The following TPD52L1 variants were observed in gnomAD, a reference collection of about 807,000 sequenced individuals.
TPD52L1 encodes the protein tumor protein D53.
Under a neutral mutation model 28.7 loss-of-function variants are expected in TPD52L1, and 18 were observed. That is an observed-to-expected ratio of 0.63 (90% CI 0.43 to 0.93). The LOEUF (loss-of-function observed/expected upper bound fraction) is 0.93, where lower values mean the gene tolerates loss of function less well. Ranked by LOEUF, TPD52L1 falls within the 40% of genes least tolerant of loss-of-function variation. The probability of loss-of-function intolerance (pLI) is 0.00; values close to 1 mark genes in which losing one functional copy is unlikely to be tolerated. For missense variants in TPD52L1, 203 were observed against 254.8 expected (o/e 0.80, Z 1.39); for synonymous variants, 75 against 88.8 (o/e 0.84, Z 0.88).
At chr6:125,195,252 G>A (rs1793350144) in intron 1 of TPD52L1, among the ~76,000 whole-genome samples, 1 of 152,182 alleles carries the variant, frequency 6.6e-6, no homozygotes, top group African/African-American at 2.4e-5. Context: ...GTTGTTGTTT[G>A]AGTCTCTCTA....
intron 1 of TPD52L1, among the ~76,000 whole-genome samples, chr6:125,187,137 A>G (rs1183598459): frequency 6.6e-6 from 1 of 152,224 alleles, no homozygotes; most frequent in Non-Finnish European, 1.5e-5. Context: ...AAATAGGCAG[A>G]TAATTTGAAT....
intron 6 of TPD52L1, among the ~76,000 whole-genome samples, chr6:125,257,407 T>C (rs2115061425): frequency 6.6e-6 from 1 of 152,356 alleles, no homozygotes; most frequent in Admixed American, 6.5e-5. Context: ...CGTTTACCAC[T>C]TAATCTCTTA....
Position 125,260,964 on chromosome 6 carries a change from GAAAGAAAGAAAGAAAAGA to G in TPD52L1, c.487-1854_487-1837del, listed in dbSNP as rs1163284033. ...AGAAAGAAAGAAAGAAAGAAAGAAA[GAAAGAAAGAAAGAAAAGA>G]AAAGAAAGAAAGAAAGAAAGAAAGA... On this transcript the variant is annotated intron_variant, in intron 6 of 6. Transcript: ENST00000534000. 207 of 45,074 alleles carry G rather than the reference GAAAGAAAGAAAGAAAAGA, an allele frequency of 4.6e-3. 3 individuals carry two copies. The highest frequency in any genetic ancestry group is 0.013 in the Middle Eastern group (1 of 80). 2.8% of individuals were successfully genotyped at this position (45,074 alleles called of 1,614,324 possible). A position where few individuals can be genotyped will look rare whatever the true frequency, so the allele number is the denominator to read the frequency against.
chr6:125,237,947 A>C (rs1796371397), intron 3 of TPD52L1, among the ~76,000 whole-genome samples: 1 of 152,240 alleles, frequency 6.6e-6, no homozygotes, highest in African/African-American at 2.4e-5. Context: ...GGCGTGAGCC[A>C]CGACGCCCAG....
At chr6:125,251,719 A>T (rs1283904192) in intron 4 of TPD52L1, among the ~76,000 whole-genome samples, 2 of 152,250 alleles carry the variant, frequency 1.3e-5, no homozygotes, top group Non-Finnish European at 2.9e-5. Flanking sequence ...ATCTTCTGGG[A>T]ACTTCTCAGT....
chr6:125,235,729 A>T (rs918547407), intron 3 of TPD52L1, among the ~76,000 whole-genome samples: 1 of 152,228 alleles, frequency 6.6e-6, no homozygotes, highest in African/African-American at 2.4e-5. Context: ...ATAAAATAGC[A>T]ACTAACTGTT....
intron 1 of TPD52L1, among the ~76,000 whole-genome samples, chr6:125,186,802 C>A (rs960095796): frequency 1.3e-5 from 2 of 152,050 alleles, no homozygotes; most frequent in Admixed American, 6.6e-5. Context: ...TATTGTATGC[C>A]TTATAAAGTT....
chr6:125,231,579 G>C (rs892679973), intron 3 of TPD52L1, among the ~76,000 whole-genome samples: 1 of 152,064 alleles, frequency 6.6e-6, no homozygotes, highest in Non-Finnish European at 1.5e-5. Context: ...ATGGAGTTTA[G>C]AGTCTAGTTA....
intron 1 of TPD52L1, chr6:125,203,889 A>G: frequency 2.9e-6 from 2 of 691,826 alleles, no homozygotes; most frequent in Non-Finnish European, 3.6e-6. Context: ...TTTCAATAAT[A>G]TTCACAGTCA....
At chr6:125,194,788 C>T (rs564270868) in intron 1 of TPD52L1, among the ~76,000 whole-genome samples, 13 of 152,168 alleles carry the variant, frequency 8.5e-5, no homozygotes, top group East Asian at 1.9e-4. Flanking sequence ...GTTAATAGCA[C>T]GTAGTTTAAA....
intron 1 of TPD52L1, 88 bp from the exon 2 acceptor site, chr6:125,219,990 G>A (rs1795127938): frequency 1.1e-6 from 1 of 901,868 alleles, no homozygotes. Context: ...GGGTCTGTCA[G>A]TGCATCTAGT....
intron 2 of TPD52L1, among the ~76,000 whole-genome samples, chr6:125,220,478 C>T (rs544405379): frequency 3.5e-4 from 54 of 152,230 alleles, no homozygotes; most frequent in African/African-American, 1.3e-3. Context: ...TGTCAGAATA[C>T]TATGGGAATA....
chr6:125,169,224 G>C (rs975278238), intron 1 of TPD52L1, among the ~76,000 whole-genome samples: 31 of 152,102 alleles, frequency 2.0e-4, no homozygotes, highest in African/African-American at 7.5e-4. Context: ...GCTAGCTGCT[G>C]GCCTGCCCCA....
chr6:125,233,531 G>A (rs930055272), intron 3 of TPD52L1, among the ~76,000 whole-genome samples: 1 of 152,126 alleles, frequency 6.6e-6, no homozygotes, highest in Non-Finnish European at 1.5e-5. Context: ...ATTACACAAG[G>A]CAGGAAGTAG....
intron 5 of TPD52L1, among the ~76,000 whole-genome samples, chr6:125,256,894 G>T (rs550356130): frequency 1.6e-4 from 25 of 152,346 alleles, no homozygotes; most frequent in African/African-American, 6.0e-4. Context: ...ATTTTACCTA[G>T]AAAAATTCCA....
chr6:125,169,486 G>A (rs73771234), intron 1 of TPD52L1, among the ~76,000 whole-genome samples: 7,633 of 152,178 alleles, frequency 0.05, 429 homozygotes, highest in East Asian at 0.33. Flanking sequence ...GTCCTCCTAA[G>A]TTCATCCTCA....
intron 1 of TPD52L1, among the ~76,000 whole-genome samples, chr6:125,194,143 T>C (rs1340278703): frequency 6.6e-6 from 1 of 152,100 alleles, no homozygotes; most frequent in Non-Finnish European, 1.5e-5. Flanking sequence ...TTTTTGTTTT[T>C]GTTTTACTTA....
intron 3 of TPD52L1, among the ~76,000 whole-genome samples, chr6:125,232,077 G>A (rs1795986037): frequency 6.6e-6 from 1 of 152,126 alleles, no homozygotes; most frequent in Admixed American, 6.6e-5. Flanking sequence ...AGGCTGAGAG[G>A]ACAACTCAGT....
At chr6:125,232,213 A>G (rs753823629) in intron 3 of TPD52L1, among the ~76,000 whole-genome samples, 4 of 152,176 alleles carry the variant, frequency 2.6e-5, no homozygotes, top group Non-Finnish European at 5.9e-5. Flanking sequence ...TGAACTCACT[A>G]ACCTTTAGGA....
Sources: allele counts gnomAD v4.1 joint callset (sites outside exome capture counted in the v4.1 genomes callset), GRCh38; gene constraint gnomAD v4.1.1; transcripts MANE v1.5; gene names NCBI Gene and HGNC (gene_info 2026-07-23, HGNC 2026-07-21).